The following LTBP1 variants were observed in gnomAD, a reference collection of about 807,000 sequenced individuals.
LTBP1 encodes latent-transforming growth factor beta-binding protein 1.
Under a neutral mutation model 207.6 loss-of-function variants are expected in LTBP1, and 129 were observed. That is an observed-to-expected ratio of 0.62 (90% CI 0.54 to 0.72). The LOEUF is 0.72. Among genes scored for constraint, LTBP1 ranks in the 30% least tolerant of loss-of-function variants. LTBP1 has a pLI of 0.00. For missense variants in LTBP1, 2,281 were observed against 2,217.2 expected, an observed-to-expected ratio of 1.03 and a Z score of -0.58; for synonymous variants, 963 against 833.7, an observed-to-expected ratio of 1.16 and a Z score of -2.67.
chr2:33,288,016 G>A (rs1370178858), intron 19 of LTBP1, among the ~76,000 whole-genome samples: 1 of 152,200 alleles, frequency 6.6e-6, no homozygotes, highest in East Asian at 1.9e-4. Flanking sequence ...TGGGGTAGGG[G>A]ATAATCCTGT....
At chr2:33,283,577 C>T (rs1426107106) in intron 19 of LTBP1, among the ~76,000 whole-genome samples, 2 of 151,958 alleles carry the variant, frequency 1.3e-5, no homozygotes, top group Admixed American at 6.6e-5. Flanking sequence ...ACTGGGACTA[C>T]AGGCGCCCGC....
chr2:33,156,218 G>T (rs530523807), intron 5 of LTBP1, among the ~76,000 whole-genome samples: 1 of 152,336 alleles, frequency 6.6e-6, no homozygotes, highest in South Asian at 2.1e-4. Flanking sequence ...AGGTAGCACA[G>T]CTAGGTTTTG....
intron 2 of LTBP1, among the ~76,000 whole-genome samples, chr2:32,962,818 G>A (rs1211831899): frequency 2.0e-5 from 3 of 152,216 alleles, no homozygotes; most frequent in Admixed American, 1.3e-4. Context: ...CTCCGCCTGG[G>A]AACTTGTTAG....
chr2:33,126,017 A>T (rs2081411809), intron 4 of LTBP1, among the ~76,000 whole-genome samples: 1 of 152,074 alleles, frequency 6.6e-6, no homozygotes, highest in African/African-American at 2.4e-5. Flanking sequence ...GGCCTAGAAG[A>T]TACTTTCAAG....
chr2:33,207,203 T>G (rs951545784), intron 7 of LTBP1, among the ~76,000 whole-genome samples: 3 of 152,210 alleles, frequency 2.0e-5, no homozygotes, highest in Admixed American at 2.0e-4. Flanking sequence ...GAGGGTTTTT[T>G]TTCCCTTCAT....
chr2:33,229,077 C>T (rs1224575047), intron 9 of LTBP1, among the ~76,000 whole-genome samples: 1 of 152,094 alleles, frequency 6.6e-6, no homozygotes, highest in Non-Finnish European at 1.5e-5. Context: ...TAAAATATCA[C>T]TAATGCAGAT....
intron 2 of LTBP1, among the ~76,000 whole-genome samples, chr2:32,963,084 T>C (rs1679390740): frequency 6.6e-6 from 1 of 152,250 alleles, no homozygotes; most frequent in African/African-American, 2.4e-5. Flanking sequence ...CCTTTCCCCC[T>C]TCATTTCTGC....
At chr2:33,179,670 A>C (rs996449376) in intron 5 of LTBP1, among the ~76,000 whole-genome samples, 3 of 141,810 alleles carry the variant, frequency 2.1e-5, no homozygotes, top group African/African-American at 9.4e-5. Flanking sequence ...ATTTAATTAG[A>C]ATCTGGCTAA....
intron 31 of LTBP1, among the ~76,000 whole-genome samples, chr2:33,369,041 T>C (rs1295441833): frequency 6.6e-6 from 1 of 152,164 alleles, no homozygotes; most frequent in Non-Finnish European, 1.5e-5. Context: ...ATTCTAAAAA[T>C]ATGGATTTCA....
intron 4 of LTBP1, among the ~76,000 whole-genome samples, chr2:33,120,218 C>T (rs1279480242): frequency 6.7e-6 from 1 of 149,106 alleles, no homozygotes; most frequent in Admixed American, 6.6e-5. Context: ...TTTAGGGGTA[C>T]ATGTGAAAGT....
intron 10 of LTBP1, 27 bp downstream of exon 10, chr2:33,243,811 G>C (rs771213993): frequency 6.2e-7 from 1 of 1,612,780 alleles, no homozygotes. Context: ...TTTTATTCCT[G>C]TTTTGGATTA....
chr2:33,315,975 A>G (rs1170229925), intron 24 of LTBP1, among the ~76,000 whole-genome samples: 1 of 152,236 alleles, frequency 6.6e-6, no homozygotes, highest in Non-Finnish European at 1.5e-5. Context: ...ATTTTTCTGT[A>G]TCACTGTGAA....
At chr2:33,136,865 A>G (rs370628651) in intron 5 of LTBP1, among the ~76,000 whole-genome samples, 1 of 152,240 alleles carries the variant, frequency 6.6e-6, no homozygotes, top group Non-Finnish European at 1.5e-5. Context: ...AATTATTTAC[A>G]AAAGCATTTC....
intron 31 of LTBP1, among the ~76,000 whole-genome samples, chr2:33,367,553 T>G (rs1202579936): frequency 6.6e-6 from 1 of 152,206 alleles, no homozygotes; most frequent in African/African-American, 2.4e-5. Flanking sequence ...ATTCCATATG[T>G]CCATGTGTAC....
At chr2:32,959,412 A>C (rs1678634767) in intron 2 of LTBP1, among the ~76,000 whole-genome samples, 1 of 151,928 alleles carries the variant, frequency 6.6e-6, no homozygotes, top group Non-Finnish European at 1.5e-5. Flanking sequence ...ATGATAATAA[A>C]GTAAGGAAAA....
chr2:33,083,761 T>A (rs2078585725), intron 3 of LTBP1, among the ~76,000 whole-genome samples: 1 of 152,216 alleles, frequency 6.6e-6, no homozygotes, highest in African/African-American at 2.4e-5. Context: ...TTGCAGAATG[T>A]TACCATTTGA....
intron 26 of LTBP1, among the ~76,000 whole-genome samples, chr2:33,355,169 A>G (rs1033242712): frequency 6.6e-6 from 1 of 151,926 alleles, no homozygotes; most frequent in Admixed American, 6.6e-5. Flanking sequence ...AGTGTCAGGA[A>G]TGTTATGGGT....
intron 18 of LTBP1, among the ~76,000 whole-genome samples, 159 bp from the exon 19 acceptor site, chr2:33,279,880 T>C (rs535181284): frequency 2.0e-5 from 3 of 152,340 alleles, no homozygotes; most frequent in African/African-American, 7.2e-5. Flanking sequence ...ATTATTGCCA[T>C]GTATTTAAGT....
chr2:33,136,059 ATTAT>A (rs1418451844), intron 5 of LTBP1, among the ~76,000 whole-genome samples: 5 of 152,160 alleles, frequency 3.3e-5, no homozygotes, highest in African/African-American at 9.7e-5. Flanking sequence ...TAGATCTTTG[ATTAT>A]TCTGCTGTTT....
Sources: gnomAD v4.1 joint callset for allele counts (sites outside exome capture counted in the v4.1 genomes callset) on GRCh38, gnomAD v4.1.1 for gene constraint, MANE v1.5 for transcripts, NCBI Gene and HGNC (gene_info 2026-07-23, HGNC 2026-07-21) for gene names.